Variants in FADS6 observed in about 807,000 individuals in gnomAD.
FADS6 encodes fatty acid desaturase domain family, member 6.
FADS6 carries 28 observed loss-of-function variants against 31.7 expected under a neutral mutation model. That is an observed-to-expected ratio of 0.88 (90% confidence interval 0.66 to 1.21). FADS6 has a LOEUF of 1.21. Among genes scored for constraint, FADS6 ranks in the 50% most tolerant of loss-of-function variants. The probability of loss-of-function intolerance (pLI) is 0.00; values close to 1 mark genes in which losing one functional copy is unlikely to be tolerated. For missense variants in FADS6, 494 were observed against 504.2 expected (o/e 0.98, Z 0.19); for synonymous variants, 191 against 213.1 (o/e 0.90, Z 0.90).
intron 2 of FADS6, 37 bp from the exon 3 acceptor site, chr17:74,882,747 G>A: frequency 6.3e-7 from 1 of 1,583,816 alleles, no homozygotes; most frequent in East Asian, 2.3e-5. Context: ...TGGGGTCCCT[G>A]TCAGGCACAG....
chr17:74,885,436 GC>G (rs1425163072), intron 2 of FADS6, among the ~76,000 whole-genome samples: 1 of 152,058 alleles, frequency 6.6e-6, no homozygotes, highest in East Asian at 1.9e-4. Flanking sequence ...AGCCCCAGAA[GC>G]CCCCAGCATT....
intron 2 of FADS6, 46 bp downstream of exon 2, chr17:74,892,477 C>A (rs1343922532): frequency 6.3e-7 from 1 of 1,577,444 alleles, no homozygotes; most frequent in Admixed American, 1.8e-5. Context: ...ATGAGGCTGC[C>A]ACACGGTCCC....
At chr17:74,880,938 A>G in intron 4 of FADS6, 130 bp downstream of exon 4, 1 of 948,954 alleles carries the variant, frequency 1.1e-6, no homozygotes, top group Non-Finnish European at 1.5e-6. Context: ...CAGTGTGATG[A>G]GAGCGAGAGG....
chr17:74,881,907 T>C (rs690209), intron 3 of FADS6, among the ~76,000 whole-genome samples: 151,936 of 152,062 alleles, frequency 1, 75,905 homozygotes, highest in Middle Eastern at 1. Flanking sequence ...GCTGATAACA[T>C]GAAGTATTAT....
chr17:74,881,295 C>T, intron 3 of FADS6, 40 bp from the exon 4 acceptor site: 1 of 1,536,000 alleles, frequency 6.5e-7, no homozygotes, highest in Non-Finnish European at 8.8e-7. Flanking sequence ...TCAGATCCAT[C>T]AGGAGGGGCT....
At position 74,877,523 on chromosome 17, in the gene FADS6, C is replaced by T. The variant is rs530341942; in HGVS notation, c.*808G>A. Reference sequence around the variant, plus strand: ...TAATTTTTTGTATTTTTAGTAGAGACGGGGTTTCACCATGTTGGCCAGGGT... The same window carrying T: ...TAATTTTTTGTATTTTTAGTAGAGATGGGGTTTCACCATGTTGGCCAGGGT... On this transcript the variant is annotated 3_prime_UTR_variant, in exon 6 of 6. Transcript: ENST00000612771. The T allele has an allele frequency of 1.1e-5, 2 of 187,966 alleles. No individual in the cohort carries two copies. Among genetic ancestry groups the T allele is most frequent in the African/African-American group, 2.4e-5 (1 of 41,898 alleles). 11.6% of individuals were successfully genotyped at this position (187,966 alleles called of 1,614,324 possible).
chr17:74,890,118 C>G (rs1219354590), intron 2 of FADS6, among the ~76,000 whole-genome samples: 1 of 152,182 alleles, frequency 6.6e-6, no homozygotes, highest in African/African-American at 2.4e-5. Flanking sequence ...AAGTAACTTG[C>G]TCAAGGTCAG....
At position 74,878,083 on chromosome 17, in the gene FADS6, G is replaced by A. The variant is rs1034489005; in HGVS notation, c.*248C>T. 18 of 1,360,034 alleles carry A rather than the reference G, an allele frequency of 1.3e-5. No individual in the cohort carries two copies. Among genetic ancestry groups the A allele is most frequent in the Non-Finnish European group, 1.7e-5 (18 of 1,054,858 alleles). 84.2% of individuals were successfully genotyped at this position (1,360,034 alleles called of 1,614,324 possible). A position where few individuals can be genotyped will look rare whatever the true frequency, so the allele number is the denominator to read the frequency against. ...TTAGTCCTGAGATGAAGTTGCTGAG[G>A]TCCAGACTGACCAGAATGCACAGCC... On this transcript the variant is annotated 3_prime_UTR_variant, in exon 6 of 6. Transcript: ENST00000612771.
chr17:74,881,098 G>C lies in FADS6; in HGVS notation c.750C>G (p.Ala250=). The C allele has an allele frequency of 6.2e-7, 1 of 1,613,618 alleles. No individual in the cohort carries two copies. The highest frequency in any genetic ancestry group is 8.5e-7 in the Non-Finnish European group (1 of 1,179,754). Residue 250 remains alanine, a synonymous_variant, in exon 4 of 6, where the codon GCC becomes GCG. Transcript: ENST00000612771. ...AGATGTTGACGTGGAGGTAGGGGTG[G>C]GCCAACAGGGATCTGGTGAGGAACA... ...GCMFLTRSLL[A]HPYLHVNIFQ...
Position 74,878,318 on chromosome 17 carries a change from CG to C in FADS6, c.*12del. The C allele has an allele frequency of 6.2e-7, 1 of 1,608,284 alleles. No individual in the cohort carries two copies. Among genetic ancestry groups the C allele is most frequent in the Non-Finnish European group, 8.5e-7 (1 of 1,177,316 alleles). ...CCAGGGAGGGGCAGGGTGGCTGCAC[CG>C]GCCCGGCCTCATTACAGCCCCACAA... On this transcript the variant is annotated 3_prime_UTR_variant, in exon 6 of 6. Coordinates refer to ENST00000612771, the MANE Select transcript of FADS6 (RefSeq NM_178128.6).
At position 74,892,676 on chromosome 17, in the gene FADS6, C is replaced by G. The variant is rs777088355; in HGVS notation, c.258G>C (p.Leu86=). 4 of 1,612,178 alleles carry G rather than the reference C, an allele frequency of 2.5e-6. No homozygotes were observed. Among genetic ancestry groups the G allele is most frequent in the Admixed American group, 1.7e-5 (1 of 59,872 alleles). ...LFALPAGFLC[L]RWENALVFAS... Reference sequence around the variant, plus strand: ...CAAAGACCAGGGCATTCTCCCAGCGCAGGCACAGGAAGCCTGCGTGGAGAG... The same window carrying G: ...CAAAGACCAGGGCATTCTCCCAGCGGAGGCACAGGAAGCCTGCGTGGAGAG... Residue 86 remains leucine (L), a synonymous_variant, in exon 2 of 6, where the codon CTG becomes CTC. Transcript: ENST00000612771.
Position 74,893,568 on chromosome 17 carries a change from T to TGGGTTCC in FADS6, c.27_28insGGAACCC (p.Thr10GlyfsTer278), listed in dbSNP as rs2038719450. 2.6e-4 allele frequency: 351 copies of TGGGTTCC among 1,374,760 alleles called. 2 individuals carry two copies. The African/African-American group carries it at 4.6e-3, about 18-fold the overall frequency. The allele number at this position is 1,374,760 out of a possible 1,614,324, so 85.2% of individuals were successfully genotyped here. A position where few individuals can be genotyped will look rare whatever the true frequency, so the allele number is the denominator to read the frequency against. On this transcript the variant is annotated frameshift_variant, in exon 1 of 6. Transcript: ENST00000612771. LOFTEE classifies it high-confidence loss of function. The stretch of plus-strand genomic sequence containing the variant: ...GGCTCCGTAGGTTCCATGGGCTCCG[T>TGGGTTCC]AGGTTCCATCGGCTCCGTGGGTTCC...
intron 3 of FADS6, 121 bp from the exon 4 acceptor site, chr17:74,881,376 TGAAAA>T: frequency 1.1e-6 from 1 of 934,606 alleles, no homozygotes; most frequent in Non-Finnish European, 1.5e-6. Context: ...ACAACAGCCC[TGAAAA>T]GCAGGGCACC....
rs1266001382 is a variant in FADS6 at position 74,877,824 on chromosome 17, C to T, written c.*507G>A. 2.0e-6 allele frequency: 2 copies of T among 986,378 alleles called. No individual in the cohort carries two copies. Among genetic ancestry groups the T allele is most frequent in the Non-Finnish European group, 1.2e-6 (1 of 830,656 alleles). 61.1% of individuals were successfully genotyped at this position (986,378 alleles called of 1,614,324 possible). On this transcript the variant is annotated 3_prime_UTR_variant, in exon 6 of 6. Coordinates refer to ENST00000612771, the MANE Select transcript of FADS6 (RefSeq NM_178128.6). ...GAAGGCCTGCCAAAAGCAAGCTCAC[C>T]CTAAGGTCCCCGGGGAGAGGGCACC...
intron 3 of FADS6, among the ~76,000 whole-genome samples, chr17:74,881,591 CAGG>C (rs1272412169): frequency 6.6e-6 from 1 of 151,738 alleles, no homozygotes. Context: ...CCCAGCTACT[CAGG>C]AGGAGCCTGG....
At chr17:74,878,515 G>A (rs1252590787) in intron 5 of FADS6, 38 bp from the exon 6 acceptor site, 1 of 1,607,334 alleles carries the variant, frequency 6.2e-7, no homozygotes, top group Non-Finnish European at 8.5e-7. Context: ...TATGAGCAGG[G>A]GCTGTGGGCA....
At chr17:74,880,242 C>T (rs2038553551) in intron 4 of FADS6, among the ~76,000 whole-genome samples, 1 of 152,116 alleles carries the variant, frequency 6.6e-6, no homozygotes, top group South Asian at 2.1e-4. Flanking sequence ...TCTCCAGTTC[C>T]TCCATCTTTC....
chr17:74,879,684 A>G, intron 4 of FADS6, 101 bp from the exon 5 acceptor site: 1 of 1,277,844 alleles, frequency 7.8e-7, no homozygotes, highest in South Asian at 1.5e-5. Flanking sequence ...TGTGTCACCC[A>G]CCTCCCATGT....
chr17:74,887,023 G>C (rs1357253019), intron 2 of FADS6, among the ~76,000 whole-genome samples: 1 of 150,316 alleles, frequency 6.7e-6, no homozygotes, highest in Non-Finnish European at 1.5e-5. Flanking sequence ...CTACACACTA[G>C]ATGCCAGTAG....
Sources: allele counts gnomAD v4.1 joint callset (sites outside exome capture counted in the v4.1 genomes callset), GRCh38; gene constraint gnomAD v4.1.1; transcripts MANE v1.5; gene names NCBI Gene and HGNC (gene_info 2026-07-23, HGNC 2026-07-21).